The following LRRC37A2 variants were observed in gnomAD, a reference collection of about 807,000 sequenced individuals.
LRRC37A2 encodes the protein leucine rich repeat containing 37 member A2, also known as leucine-rich repeat-containing protein 37A2.
In LRRC37A2, 9 loss-of-function variants were observed where a neutral mutation model predicts 68.8. The ratio of observed to expected loss-of-function variants is 0.13; its 90% confidence interval spans 0.08 to 0.23. The LOEUF (loss-of-function observed/expected upper bound fraction) is 0.23, where lower values mean the gene tolerates loss of function less well. Among genes scored for constraint, LRRC37A2 ranks in the 10% least tolerant of loss-of-function variants. The pLI, the probability that LRRC37A2 is intolerant of heterozygous loss-of-function variation, is 1.00. For synonymous variants in LRRC37A2, 63 were observed against 367.6 expected (o/e 0.17, Z 9.48); for missense variants, 168 against 950.4 (o/e 0.18, Z 10.82).
chr17:46,838,463 C>CA, the LRRC37A2 span, among the ~76,000 whole-genome samples: 2 of 151,640 alleles, frequency 1.3e-5, no homozygotes, highest in Non-Finnish European at 2.9e-5. Flanking sequence ...CCCATTTCTA[C>CA]AAAAAATGAA....
chr17:46,532,390 T>C (rs1401065347), intron 6 of LRRC37A2, among the ~76,000 whole-genome samples: 1 of 150,344 alleles, frequency 6.7e-6, no homozygotes, highest in Admixed American at 6.6e-5. Context: ...TTGTGTGTGA[T>C]GTCTTTAGTT....
the LRRC37A2 span, among the ~76,000 whole-genome samples, chr17:46,458,685 G>T: frequency 9.8e-6 from 1 of 101,604 alleles, no homozygotes; most frequent in East Asian, 2.4e-4. Flanking sequence ...GGGATTACAG[G>T]CATGCACCAC....
the LRRC37A2 span, among the ~76,000 whole-genome samples, chr17:46,780,592 C>T: frequency 2.0e-5 from 3 of 151,826 alleles, no homozygotes; most frequent in African/African-American, 4.8e-5. Flanking sequence ...ATCGAGACCA[C>T]GGTGAAACCC....
the LRRC37A2 span, among the ~76,000 whole-genome samples, chr17:46,947,930 G>A: frequency 6.6e-6 from 1 of 152,134 alleles, no homozygotes; most frequent in African/African-American, 2.4e-5. Context: ...CACCACGCCT[G>A]GCTAATTTTT....
chr17:46,721,925 C>G, the LRRC37A2 span: 3 of 1,592,898 alleles, frequency 1.9e-6, no homozygotes, highest in Non-Finnish European at 2.6e-6. Context: ...CTCCAATTCG[C>G]GTACTAGCCG....
the LRRC37A2 span, among the ~76,000 whole-genome samples, chr17:46,829,356 G>T: frequency 6.6e-6 from 1 of 152,152 alleles, no homozygotes; most frequent in African/African-American, 2.4e-5. Context: ...TTTTAGTAGA[G>T]AAAGGGTTTC....
the LRRC37A2 span, among the ~76,000 whole-genome samples, chr17:46,970,477 T>C: frequency 1.4e-5 from 2 of 140,610 alleles, no homozygotes; most frequent in African/African-American, 2.6e-5. Flanking sequence ...GAGGCACAGG[T>C]TGCAGCAAGC....
At chr17:46,603,873 A>AT in the LRRC37A2 span, among the ~76,000 whole-genome samples, 1 of 29,584 alleles carries the variant, frequency 3.4e-5, no homozygotes, top group Non-Finnish European at 5.9e-5. Flanking sequence ...AAATTTTTTT[A>AT]TTTTTTGTGC....
chr17:46,776,358 G>C, the LRRC37A2 span, among the ~76,000 whole-genome samples: 2 of 152,244 alleles, frequency 1.3e-5, no homozygotes, highest in Non-Finnish European at 1.5e-5. Context: ...AAGCAGGTTA[G>C]AGTGATCATA....
the LRRC37A2 span, among the ~76,000 whole-genome samples, chr17:46,791,126 C>A: frequency 6.6e-6 from 1 of 152,160 alleles, no homozygotes; most frequent in East Asian, 1.9e-4. Context: ...GGCAGCAAGC[C>A]TTTTCCCTAC....
the LRRC37A2 span, among the ~76,000 whole-genome samples, chr17:46,968,478 C>A: frequency 5.9e-5 from 9 of 152,372 alleles, no homozygotes; most frequent in South Asian, 1.9e-3. Flanking sequence ...AGACCATCAC[C>A]ATCATAACAC....
chr17:46,820,792 G>C, the LRRC37A2 span, among the ~76,000 whole-genome samples: 4 of 152,290 alleles, frequency 2.6e-5, no homozygotes, highest in Admixed American at 2.6e-4. Context: ...TTTCTGATCA[G>C]AGCTGCCTGC....
chr17:46,929,487 G>C, the LRRC37A2 span: 1 of 1,156,650 alleles, frequency 8.6e-7, no homozygotes, highest in Non-Finnish European at 1.3e-6. Context: ...GATTACTCCT[G>C]TCTCACTCAT....
At chr17:46,876,622 G>C in the LRRC37A2 span, 1 of 1,611,140 alleles carries the variant, frequency 6.2e-7, no homozygotes, top group South Asian at 1.1e-5. Flanking sequence ...AGAGCCGCCT[G>C]GTGGCCTTCT....
the LRRC37A2 span, among the ~76,000 whole-genome samples, chr17:46,896,474 AAGAC>A: frequency 9.3e-3 from 1,215 of 131,078 alleles, 57 homozygotes; most frequent in African/African-American, 0.043. Flanking sequence ...GAAAGAAAGA[AAGAC>A]AGACCAAGGC....
chr17:46,835,877 A>G, the LRRC37A2 span, among the ~76,000 whole-genome samples: 4 of 152,114 alleles, frequency 2.6e-5, no homozygotes, highest in South Asian at 8.3e-4. Flanking sequence ...AGCTACCTTC[A>G]CTAAAGAAGA....
the LRRC37A2 span, among the ~76,000 whole-genome samples, chr17:46,836,021 G>C: frequency 3.3e-5 from 5 of 151,952 alleles, no homozygotes; most frequent in Non-Finnish European, 1.5e-5. Flanking sequence ...ATTCTGGATG[G>C]GGCCTGCGAG....
chr17:47,033,576 T>G, the LRRC37A2 span, among the ~76,000 whole-genome samples: 1 of 152,220 alleles, frequency 6.6e-6, no homozygotes, highest in Non-Finnish European at 1.5e-5. Flanking sequence ...CACGGCCTGC[T>G]TTGGACATTT....
At chr17:46,815,585 A>G in the LRRC37A2 span, among the ~76,000 whole-genome samples, 2 of 152,064 alleles carry the variant, frequency 1.3e-5, no homozygotes, top group Non-Finnish European at 2.9e-5. Context: ...AAATGGGATC[A>G]GGAATCAGAG....
Sources: gnomAD v4.1 joint callset for allele counts (sites outside exome capture counted in the v4.1 genomes callset) on GRCh38, gnomAD v4.1.1 for gene constraint, MANE v1.5 for transcripts, NCBI Gene and HGNC (gene_info 2026-07-23, HGNC 2026-07-21) for gene names.